The following CDKAL1 variants were observed in gnomAD, a reference collection of about 807,000 sequenced individuals.
CDKAL1 encodes the protein threonylcarbamoyladenosine tRNA methylthiotransferase.
CDKAL1 carries 32 observed loss-of-function variants against 68.2 expected under a neutral mutation model. The observed-to-expected ratio is 0.47, with a 90% CI of 0.35 to 0.63. The LOEUF (loss-of-function observed/expected upper bound fraction) is 0.63. CDKAL1 is among the 30% of genes least tolerant of loss of function. CDKAL1 has a pLI of 0.00. For missense variants in CDKAL1, 606 were observed against 696.7 expected (o/e 0.87, Z 1.47); for synonymous variants, 234 against 244.3 (o/e 0.96, Z 0.39).
intron 15 of CDKAL1, among the ~76,000 whole-genome samples, chr6:21,205,998 C>A (rs1778916874): frequency 6.9e-6 from 1 of 145,422 alleles, no homozygotes; most frequent in African/African-American, 2.7e-5. Flanking sequence ...CCGCGCCCGG[C>A]TAATTTTTTT....
chr6:20,730,530 G>A (rs189520609), intron 5 of CDKAL1, among the ~76,000 whole-genome samples: 1 of 151,936 alleles, frequency 6.6e-6, no homozygotes, highest in Non-Finnish European at 1.5e-5. Flanking sequence ...ACATGGTAGA[G>A]GAACAGGTGA....
At position 21,203,459 on chromosome 6, in the gene CDKAL1, C is replaced by T. The variant is rs184481637; in HGVS notation, c.1548+2185C>T. 1.0e-3 allele frequency among the ~76,000 whole-genome samples: 154 copies of T among 151,252 alleles called. 1 individual carries two copies. The highest frequency in any genetic ancestry group is 3.3e-3 in the African/African-American group (136 of 41,284). On this transcript the variant is annotated intron_variant, in intron 15 of 15. Transcript: ENST00000274695. ...CCATGTCGGCCAGGCTGGTCTCGAA[C>T]CCCTGACCTCAGGTGATCCGCCCAC... is the stretch of plus-strand genomic sequence containing the variant.
chr6:20,939,148 C>T (rs958130931), intron 9 of CDKAL1, among the ~76,000 whole-genome samples: 3 of 152,114 alleles, frequency 2.0e-5, no homozygotes, highest in Admixed American at 6.5e-5. Flanking sequence ...TTGTAGCTTT[C>T]GTTCTATTTG....
At chr6:20,913,324 T>C (rs1042677918) in intron 9 of CDKAL1, among the ~76,000 whole-genome samples, 28 of 152,136 alleles carry the variant, frequency 1.8e-4, no homozygotes, top group African/African-American at 6.3e-4. Flanking sequence ...AAATCACTTA[T>C]GTGGTTGTTG....
chr6:20,734,087 T>A (rs1053524146), intron 5 of CDKAL1, among the ~76,000 whole-genome samples: 22 of 150,442 alleles, frequency 1.5e-4, no homozygotes, highest in Admixed American at 4.0e-4. Flanking sequence ...AGATAGAGGT[T>A]GCAGGGAGCT....
At chr6:21,193,211 G>T (rs918812854) in intron 13 of CDKAL1, among the ~76,000 whole-genome samples, 1 of 152,136 alleles carries the variant, frequency 6.6e-6, no homozygotes, top group Non-Finnish European at 1.5e-5. Context: ...TTTCCTGGCA[G>T]GTACTGTATT....
intron 13 of CDKAL1, among the ~76,000 whole-genome samples, chr6:21,150,548 T>C (rs1275489268): frequency 6.6e-6 from 1 of 152,214 alleles, no homozygotes; most frequent in African/African-American, 2.4e-5. Context: ...AAAGCCTCCA[T>C]AAAACTTGCT....
chr6:20,680,973 C>T (rs1187795271), intron 5 of CDKAL1, among the ~76,000 whole-genome samples: 1 of 152,128 alleles, frequency 6.6e-6, no homozygotes, highest in Non-Finnish European at 1.5e-5. Flanking sequence ...CACTTATTGG[C>T]ATCAAAGATA....
chr6:20,619,289 A>G (rs1176292665), intron 4 of CDKAL1, among the ~76,000 whole-genome samples: 1 of 152,252 alleles, frequency 6.6e-6, no homozygotes, highest in Non-Finnish European at 1.5e-5. Flanking sequence ...AGTTAGGAGT[A>G]AATTCAGGAG....
chr6:20,856,149 G>A (rs527529515), intron 9 of CDKAL1, among the ~76,000 whole-genome samples: 1 of 152,302 alleles, frequency 6.6e-6, no homozygotes, highest in African/African-American at 2.4e-5. Flanking sequence ...GAGAAATGCT[G>A]CTTACTCAGG....
intron 11 of CDKAL1, among the ~76,000 whole-genome samples, chr6:21,029,152 A>T (rs938263278): frequency 1.3e-5 from 2 of 152,128 alleles, no homozygotes; most frequent in Non-Finnish European, 2.9e-5. Flanking sequence ...ACCTCAGGTT[A>T]TCCCCTCACC....
chr6:21,106,663 G>C (rs1277356921), intron 12 of CDKAL1, among the ~76,000 whole-genome samples: 1 of 152,208 alleles, frequency 6.6e-6, no homozygotes, highest in Non-Finnish European at 1.5e-5. Flanking sequence ...TATTGTATTA[G>C]ATATTCTAAG....
intron 13 of CDKAL1, among the ~76,000 whole-genome samples, chr6:21,126,599 A>C (rs970013677): frequency 5.3e-5 from 8 of 152,080 alleles, no homozygotes; most frequent in Non-Finnish European, 1.0e-4. Flanking sequence ...CTTTGCTTGT[A>C]CTGCAGCTCC....
At chr6:20,549,851 C>T (rs1561917808) in intron 4 of CDKAL1, among the ~76,000 whole-genome samples, 1 of 152,184 alleles carries the variant, frequency 6.6e-6, no homozygotes, top group Non-Finnish European at 1.5e-5. Context: ...AAGTGATCCA[C>T]TCGCCTCGGC....
chr6:20,736,065 A>T (rs760572041), intron 5 of CDKAL1, among the ~76,000 whole-genome samples: 1 of 152,008 alleles, frequency 6.6e-6, no homozygotes, highest in African/African-American at 2.4e-5. Flanking sequence ...AGTGTGTCCT[A>T]TGTTAATTTA....
chr6:20,888,272 A>G (rs1231309043), intron 9 of CDKAL1, among the ~76,000 whole-genome samples: 1 of 151,474 alleles, frequency 6.6e-6, no homozygotes, highest in Non-Finnish European at 1.5e-5. Flanking sequence ...GATGGTTTCC[A>G]GCTTCATCCA....
chr6:20,923,195 A>G (rs1763036553), intron 9 of CDKAL1, among the ~76,000 whole-genome samples: 1 of 152,162 alleles, frequency 6.6e-6, no homozygotes, highest in South Asian at 2.1e-4. Flanking sequence ...TGTGGGGGTT[A>G]TAGGCACGAG....
chr6:21,119,026 A>G (rs1031840222), intron 13 of CDKAL1, among the ~76,000 whole-genome samples: 3 of 152,120 alleles, frequency 2.0e-5, no homozygotes, highest in African/African-American at 7.2e-5. Context: ...TCTTATGGAC[A>G]CTTTCATTTC....
intron 9 of CDKAL1, among the ~76,000 whole-genome samples, chr6:20,869,909 G>T (rs1025502732): frequency 6.6e-6 from 1 of 152,074 alleles, no homozygotes; most frequent in Non-Finnish European, 1.5e-5. Flanking sequence ...AAAATAAGAC[G>T]ATCTAGCATC....
Sources: allele counts gnomAD v4.1 joint callset (sites outside exome capture counted in the v4.1 genomes callset), GRCh38; gene constraint gnomAD v4.1.1; transcripts MANE v1.5; gene names NCBI Gene and HGNC (gene_info 2026-07-23, HGNC 2026-07-21).